The following MYRFL variants were observed in gnomAD, a reference collection of about 807,000 sequenced individuals.
The protein encoded by MYRFL is myelin regulatory factor-like protein.
A neutral mutation model predicts 109.4 loss-of-function variants in MYRFL; 88 were observed. The observed-to-expected ratio is 0.80, with a 90% CI of 0.68 to 0.96. The LOEUF is 0.96. MYRFL is among the 40% of genes least tolerant of loss of function. The pLI, the probability that MYRFL is intolerant of heterozygous loss-of-function variation, is 0.00. For synonymous variants in MYRFL, 324 were observed against 320.9 expected, an observed-to-expected ratio of 1.01 and a Z score of -0.10; for missense variants, 957 against 954.9, an observed-to-expected ratio of 1.00 and a Z score of -0.03.
chr12:69,892,062 G>A (rs889163546), intron 7 of MYRFL, among the ~76,000 whole-genome samples: 2 of 152,110 alleles, frequency 1.3e-5, no homozygotes, highest in African/African-American at 4.8e-5. Flanking sequence ...GAATACTCTT[G>A]CAATTCTTTT....
chr12:69,866,581 T>C (rs1300542786), intron 2 of MYRFL, among the ~76,000 whole-genome samples: 1 of 152,162 alleles, frequency 6.6e-6, no homozygotes, highest in Non-Finnish European at 1.5e-5. Flanking sequence ...GATTCAGACC[T>C]GGGTTTACTA....
chr12:69,908,046 C>T (rs1444588319), intron 11 of MYRFL, among the ~76,000 whole-genome samples: 4 of 152,066 alleles, frequency 2.6e-5, no homozygotes, highest in East Asian at 1.9e-4. Context: ...TTTGCTGTCT[C>T]GGGCCTTGGT....
At chr12:69,902,759 C>G (rs1427024617) in intron 10 of MYRFL, among the ~76,000 whole-genome samples, 1 of 152,196 alleles carries the variant, frequency 6.6e-6, no homozygotes, top group African/African-American at 2.4e-5. Flanking sequence ...TACAGGGAAG[C>G]AGGAAGGAAG....
intron 2 of MYRFL, among the ~76,000 whole-genome samples, chr12:69,870,128 G>A (rs2951682): frequency 9.4e-6 from 1 of 106,916 alleles, no homozygotes; most frequent in East Asian, 2.6e-4. Context: ...TTTTTTTTTG[G>A]GACAGAGTCT....
Position 69,891,137 on chromosome 12 carries a change from A to G in MYRFL, c.874A>G (p.Met292Val). ...ETEMGLKPIE[M>V]FYLKVFGTKV... ...CGAGATGGGCCTAAAGCCAATAGAA[A>G]TGTTTTACTTGAAAGTTTTTGGCAC... Residue 292 changes from methionine to valine, a missense_variant, in exon 7 of 25, where the codon ATG becomes GTG. By Grantham distance (21) the Met-to-Val change is conservative (BLOSUM62 1). Coordinates refer to ENST00000552032, the MANE Select transcript of MYRFL (RefSeq NM_182530.3). 6.6e-7 allele frequency: 1 copy of G among 1,521,434 alleles called. No homozygotes were observed. The highest frequency in any genetic ancestry group is 8.8e-7 in the Non-Finnish European group (1 of 1,141,666). The allele number at this position is 1,521,434 out of a possible 1,614,324, so 94.2% of individuals were successfully genotyped here. A position where few individuals can be genotyped will look rare whatever the true frequency, so the allele number is the denominator to read the frequency against.
At chr12:69,936,732 T>C (rs1955483646) in intron 19 of MYRFL, 100 bp downstream of exon 19, 1 of 1,096,758 alleles carries the variant, frequency 9.1e-7, no homozygotes, top group Non-Finnish European at 1.2e-6. Context: ...CAGATAATGG[T>C]TCCATGCTTC....
At chr12:69,880,121 C>A (rs1885969886) in intron 4 of MYRFL, 80 bp from the exon 5 acceptor site, 5 of 665,478 alleles carry the variant, frequency 7.5e-6, no homozygotes, top group Middle Eastern at 4.8e-4. Context: ...AAGCAGAGAG[C>A]CTGGGAGATT....
At chr12:69,914,507 G>T (rs993853135) in intron 13 of MYRFL, among the ~76,000 whole-genome samples, 1 of 152,164 alleles carries the variant, frequency 6.6e-6, no homozygotes, top group South Asian at 2.1e-4. Context: ...AAGTGTTCCT[G>T]AGTGGCAATG....
intron 19 of MYRFL, among the ~76,000 whole-genome samples, chr12:69,944,603 G>A (rs112553311): frequency 1.3e-5 from 2 of 151,346 alleles, no homozygotes; most frequent in Non-Finnish European, 2.9e-5. Flanking sequence ...GTTAGTGGGT[G>A]CAGCACACCA....
intron 19 of MYRFL, among the ~76,000 whole-genome samples, chr12:69,936,895 A>T (rs1204979195): frequency 6.6e-6 from 1 of 152,222 alleles, no homozygotes; most frequent in African/African-American, 2.4e-5. Flanking sequence ...GCCAACAAGG[A>T]TAGTAATAGT....
At chr12:69,935,852 C>T (rs866923231) in intron 16 of MYRFL, 12 of 463,036 alleles carry the variant, frequency 2.6e-5, no homozygotes, top group Middle Eastern at 5.8e-4. Flanking sequence ...CTTGCCAGGG[C>T]TGGGGGGCTG....
chr12:69,841,101 A>C (rs1883218776), intron 1 of MYRFL, among the ~76,000 whole-genome samples: 1 of 152,176 alleles, frequency 6.6e-6, no homozygotes, highest in Admixed American at 6.5e-5. Flanking sequence ...CTGCACAAGG[A>C]GACTGGGAGA....
chr12:69,850,336 T>C (rs1883807572), intron 1 of MYRFL, among the ~76,000 whole-genome samples: 1 of 151,984 alleles, frequency 6.6e-6, no homozygotes, highest in Non-Finnish European at 1.5e-5. Context: ...GAAATGATCT[T>C]ATATGCACTA....
intron 13 of MYRFL, among the ~76,000 whole-genome samples, chr12:69,913,555 C>T (rs190819381): frequency 7.0e-4 from 106 of 152,314 alleles, no homozygotes; most frequent in African/African-American, 2.4e-3. Context: ...AAAAGACTGT[C>T]CTTTTCCCAT....
At chr12:69,877,978 C>T (rs187029787) in intron 2 of MYRFL, among the ~76,000 whole-genome samples, 12 of 152,244 alleles carry the variant, frequency 7.9e-5, no homozygotes, top group South Asian at 2.1e-4. Context: ...TGCCATGGCT[C>T]ACGCCTGTAA....
chr12:69,951,721 C>T (rs1222221010), intron 19 of MYRFL, among the ~76,000 whole-genome samples: 4 of 152,218 alleles, frequency 2.6e-5, no homozygotes, highest in Non-Finnish European at 4.4e-5. Context: ...AGCCACCATG[C>T]CTGGCTCCTA....
intron 1 of MYRFL, among the ~76,000 whole-genome samples, chr12:69,838,749 C>A (rs750639800): frequency 1.3e-5 from 2 of 152,134 alleles, no homozygotes; most frequent in Non-Finnish European, 2.9e-5. Flanking sequence ...AAAATTGATT[C>A]CCAGACTTCC....
At chr12:69,941,171 G>T (rs1401712426) in intron 19 of MYRFL, among the ~76,000 whole-genome samples, 1 of 98,920 alleles carries the variant, frequency 1.0e-5, no homozygotes, top group Non-Finnish European at 2.0e-5. Context: ...ACTCAGCTCT[G>T]CACCAAGCGG....
chr12:69,908,254 C>T (rs547254248), intron 11 of MYRFL, among the ~76,000 whole-genome samples: 3 of 152,298 alleles, frequency 2.0e-5, no homozygotes, highest in South Asian at 2.1e-4. Context: ...TCCTCACTCT[C>T]ACGGGGTGTA....
Sources: allele counts gnomAD v4.1 joint callset (sites outside exome capture counted in the v4.1 genomes callset), GRCh38; gene constraint gnomAD v4.1.1; transcripts MANE v1.5; gene names NCBI Gene and HGNC (gene_info 2026-07-23, HGNC 2026-07-21).